The following ANK3 variants were observed in gnomAD, a reference collection of about 807,000 sequenced individuals.
The protein encoded by ANK3 is ankyrin-3.
A neutral mutation model predicts 370.9 loss-of-function variants in ANK3; 57 were observed. That is an observed-to-expected ratio of 0.15 (90% CI 0.12 to 0.19). The LOEUF is 0.19. Ranked by LOEUF, ANK3 falls within the 10% of genes least tolerant of loss-of-function variation. The pLI is 1.00. For synonymous variants in ANK3, 1,929 were observed against 1,946.3 expected (o/e 0.99, Z 0.23); for missense variants, 4,439 against 5,302.1 (o/e 0.84, Z 5.06).
Position 60,353,158 on chromosome 10 carries a change from G to GTT in ANK3, c.114+36265_114+36266dup, listed in dbSNP as rs1198062363. ...ATCACACCTGGCTAATTTTTGTTTT[G>GTT]TTTTTTTTTTTTTTTTTAGAGACTG... On this transcript the variant is annotated intron_variant, in intron 1 of 43. Coordinates refer to ENST00000280772, the MANE Select transcript of ANK3 (RefSeq NM_020987.5). 5.7e-3 allele frequency among the ~76,000 whole-genome samples: 724 copies of GTT among 126,062 alleles called. 7 individuals carry two copies. The highest frequency in any genetic ancestry group is 0.026 in the Middle Eastern group (6 of 232). 82.7% of individuals were successfully genotyped at this position (126,062 alleles called of 152,430 possible).
At position 60,281,183 on chromosome 10, in the gene ANK3, G is replaced by T. The variant is rs140285076; in HGVS notation, c.115-1544C>A. Among the ~76,000 whole-genome samples the T allele has an allele frequency of 9.3e-4, 142 of 152,216 alleles. 1 individual carries two copies. Among genetic ancestry groups the T allele is most frequent in the African/African-American group, 3.2e-3 (134 of 41,544 alleles). On this transcript the variant is annotated intron_variant, in intron 1 of 43. Coordinates refer to ENST00000280772, the MANE Select transcript of ANK3 (RefSeq NM_020987.5). ...GAGGCCACTGCCTCTGGAGTCACCTGCCCCCTTCTCTTTTACAGTAATGAG... is the reference window on the plus strand; with the variant it reads ...GAGGCCACTGCCTCTGGAGTCACCTTCCCCCTTCTCTTTTACAGTAATGAG...
At chr10:60,386,675 A>T (rs1009544414) in intron 1 of ANK3, among the ~76,000 whole-genome samples, 1 of 152,162 alleles carries the variant, frequency 6.6e-6, no homozygotes, top group African/African-American at 2.4e-5. Flanking sequence ...TTATGATTTC[A>T]TGATAACACA....
intron 2 of ANK3, among the ~76,000 whole-genome samples, chr10:60,454,068 C>T (rs577260664): frequency 1.3e-5 from 2 of 152,290 alleles, no homozygotes; most frequent in South Asian, 4.1e-4. Flanking sequence ...TTCTTGTCTA[C>T]CACTTTCTTC....
intron 2 of ANK3, among the ~76,000 whole-genome samples, chr10:60,580,911 G>A (rs2077741928): frequency 2.0e-5 from 3 of 152,188 alleles, no homozygotes; most frequent in African/African-American, 7.2e-5. Flanking sequence ...AGAAGACAGA[G>A]TAGTCAAAGA....
At chr10:60,470,937 C>T (rs2065203112) in intron 2 of ANK3, among the ~76,000 whole-genome samples, 2 of 152,102 alleles carry the variant, frequency 1.3e-5, no homozygotes, top group Admixed American at 6.6e-5. Context: ...TCATATTTTT[C>T]CCTGACTTGC....
chr10:60,560,698 G>A (rs2077315810), intron 2 of ANK3, among the ~76,000 whole-genome samples: 1 of 152,152 alleles, frequency 6.6e-6, no homozygotes, highest in African/African-American at 2.4e-5. Context: ...GTAGTAGGAG[G>A]AAATCCATTA....
intron 2 of ANK3, among the ~76,000 whole-genome samples, chr10:60,497,357 A>G (rs1236667791): frequency 6.6e-6 from 1 of 152,206 alleles, no homozygotes; most frequent in Non-Finnish European, 1.5e-5. Context: ...TCTTAATAGC[A>G]TAGTCAGAAT....
Position 60,076,287 on chromosome 10 carries a change from G to A in ANK3, c.4594C>T (p.Pro1532Ser). The change falls in exon 37 of 44, where the codon CCA becomes TCA. Residue 1532 changes from proline to serine, a missense_variant. Physicochemically the swap from Pro to Ser is moderately conservative, Grantham distance 74 (BLOSUM62 -1). Around this residue, in one of 13 missense-constraint regions of ANK3, gnomAD observed 679 missense variants for 791.0 expected, o/e 0.86. Coordinates refer to ENST00000280772, the MANE Select transcript of ANK3 (RefSeq NM_020987.5). Reference protein sequence around the residue: ...TSLSSSSSNTPSASPLKSIWS... With the variant: ...TSLSSSSSNTSSASPLKSIWS... The stretch of plus-strand genomic sequence containing the variant: ...ATTGATTTTAACGGAGAAGCTGATG[G>A]CGTATTAGAGGAAGAACTTGATAAG... 1 of 1,614,088 alleles carries A rather than the reference G, an allele frequency of 6.2e-7. No individual in the cohort carries two copies. Among genetic ancestry groups the A allele is most frequent in the South Asian group, 1.1e-5 (1 of 91,076 alleles).
At chr10:60,714,148 G>A (rs539265317) in intron 1 of ANK3, among the ~76,000 whole-genome samples, 1 of 152,152 alleles carries the variant, frequency 6.6e-6, no homozygotes, top group South Asian at 2.1e-4. Context: ...TAGATGAAGT[G>A]AATCACTTCC....
At chr10:60,684,661 G>C in intron 1 of ANK3, 1 of 1,588,452 alleles carries the variant, frequency 6.3e-7, no homozygotes. Flanking sequence ...ACCTACCAAA[G>C]CATTTAACAC....
Position 60,074,380 on chromosome 10 carries a change from A to G in ANK3, c.6501T>C (p.Thr2167=), listed in dbSNP as rs779085937. 1.2e-6 allele frequency: 2 copies of G among 1,614,072 alleles called. No individual in the cohort carries two copies. Among genetic ancestry groups the G allele is most frequent in the South Asian group, 2.2e-5 (2 of 91,072 alleles). ...AGCTCCTGATAACATGAACCACTTC[A>G]GTTCTTGTTTCTGTAATGACAGGAG... ...PIPPVITETR[T]EVVHVIRSYD... is the part of the protein sequence containing the mutation. Residue 2167 remains threonine, a synonymous_variant, in exon 37 of 44, where the codon ACT becomes ACC. Transcript: ENST00000280772.
chr10:60,413,767 G>A (rs1026718164), intron 2 of ANK3, among the ~76,000 whole-genome samples: 14 of 152,158 alleles, frequency 9.2e-5, no homozygotes, highest in African/African-American at 3.4e-4. Flanking sequence ...GGCTGAGGCA[G>A]GTGGATCACT....
rs11282162 is a variant in ANK3 at position 60,240,306 on chromosome 10, A to ATATATATAT, written c.799-5521_799-5520insATATATATA. ...CATATATATATATATATATATATATATTTTTTTTTCTTTTTGAGATAGAGT... is the reference window on the plus strand; with the variant it reads ...CATATATATATATATATATATATATATATATATATTTTTTTTTTCTTTTTGAGATAGAGT... On this transcript the variant is annotated intron_variant, in intron 7 of 43. Transcript: ENST00000280772. Among the ~76,000 whole-genome samples, 20 of 119,770 alleles carry ATATATATAT rather than the reference A, an allele frequency of 1.7e-4. 1 individual carries two copies. The highest frequency in any genetic ancestry group is 9.1e-4 in the East Asian group (4 of 4,374). 78.6% of individuals were successfully genotyped at this position (119,770 alleles called of 152,430 possible).
intron 43 of ANK3, among the ~76,000 whole-genome samples, chr10:60,042,121 A>G (rs771568693): frequency 2.1e-4 from 32 of 152,360 alleles, no homozygotes; most frequent in Middle Eastern, 3.4e-3. Flanking sequence ...CTCACTTACT[A>G]AACATTTAAC....
At chr10:60,374,571 A>T (rs1279073067) in intron 1 of ANK3, among the ~76,000 whole-genome samples, 1 of 152,192 alleles carries the variant, frequency 6.6e-6, no homozygotes, top group Non-Finnish European at 1.5e-5. Flanking sequence ...AAGGTCAGCT[A>T]GTGGATTTTT....
At chr10:60,306,235 C>T (rs10443926) in intron 1 of ANK3, among the ~76,000 whole-genome samples, 110,033 of 151,610 alleles carry the variant, frequency 0.73, 40,241 homozygotes, top group South Asian at 0.91. Context: ...GTCCCCAAAG[C>T]CCATTATATC....
At chr10:60,647,553 C>A (rs1048611512) in intron 1 of ANK3, among the ~76,000 whole-genome samples, 5 of 150,776 alleles carry the variant, frequency 3.3e-5, no homozygotes, top group African/African-American at 1.2e-4. Context: ...TTAGATGATA[C>A]AGAAGAATCT....
At chr10:60,431,072 T>C (rs925679784) in intron 2 of ANK3, among the ~76,000 whole-genome samples, 4 of 152,220 alleles carry the variant, frequency 2.6e-5, no homozygotes, top group Non-Finnish European at 5.9e-5. Flanking sequence ...AAGCACATTA[T>C]ATTTATTGCG....
At chr10:60,522,944 T>C (rs1373112242) in intron 2 of ANK3, among the ~76,000 whole-genome samples, 1 of 151,996 alleles carries the variant, frequency 6.6e-6, no homozygotes, top group African/African-American at 2.4e-5. Context: ...GAAAGATGGG[T>C]GGTGTCAATT....
Sources: allele counts gnomAD v4.1 joint callset (sites outside exome capture counted in the v4.1 genomes callset), GRCh38; gene constraint gnomAD v4.1.1; regional missense constraint gnomAD v4.1.1; transcripts MANE v1.5; gene names NCBI Gene and HGNC (gene_info 2026-07-23, HGNC 2026-07-21).